Variants in DCC observed in about 807,000 individuals in gnomAD.
DCC encodes the protein DCC netrin 1 receptor.
In DCC, 58 loss-of-function variants were observed where a neutral mutation model predicts 172.5. That is an observed-to-expected ratio of 0.34 (90% CI 0.27 to 0.42). DCC has a LOEUF of 0.42. DCC is among the 10% of genes least tolerant of loss of function. DCC has a pLI of 1.00. For synonymous variants in DCC, 709 were observed against 644.5 expected, an observed-to-expected ratio of 1.10 and a Z score of -1.52; for missense variants, 1,740 against 1,791.0, an observed-to-expected ratio of 0.97 and a Z score of 0.51.
intron 1 of DCC, among the ~76,000 whole-genome samples, chr18:52,541,835 C>T (rs1026340605): frequency 1.1e-4 from 15 of 136,134 alleles, no homozygotes; most frequent in African/African-American, 3.7e-4. Flanking sequence ...GGCATCTAGA[C>T]ATGAGAAGAG....
intron 8 of DCC, among the ~76,000 whole-genome samples, chr18:53,161,586 A>G (rs1275932494): frequency 3.3e-5 from 5 of 152,142 alleles, no homozygotes; most frequent in Non-Finnish European, 5.9e-5. Context: ...ACGTCTTCCT[A>G]CTTGATTTCT....
intron 2 of DCC, among the ~76,000 whole-genome samples, chr18:52,796,484 A>AT (rs745483702): frequency 1.3e-5 from 2 of 152,060 alleles, no homozygotes; most frequent in Non-Finnish European, 2.9e-5. Context: ...TATTTTAAAC[A>AT]TTTTTTGTAG....
chr18:52,912,007 A>G (rs1018858918), intron 3 of DCC, among the ~76,000 whole-genome samples: 1 of 151,950 alleles, frequency 6.6e-6, no homozygotes, highest in African/African-American at 2.4e-5. Flanking sequence ...ATGGACTCTC[A>G]CAGTCTATTT....
chr18:52,510,981 C>T (rs2031417911), intron 1 of DCC, among the ~76,000 whole-genome samples: 1 of 152,044 alleles, frequency 6.6e-6, no homozygotes, highest in African/African-American at 2.4e-5. Context: ...TCACATAGCT[C>T]TAGGGTAAAC....
intron 26 of DCC, among the ~76,000 whole-genome samples, chr18:53,492,770 GGATTCTCTTGGCTAT>G (rs1478236251): frequency 6.6e-6 from 1 of 152,018 alleles, no homozygotes; most frequent in African/African-American, 2.4e-5. Context: ...TTTTTGCTTA[GGATTCTCTTGGCTAT>G]GATTCTCTTG....
At chr18:53,417,944 T>C (rs1341081185) in intron 21 of DCC, among the ~76,000 whole-genome samples, 1 of 152,132 alleles carries the variant, frequency 6.6e-6, no homozygotes, top group Non-Finnish European at 1.5e-5. Context: ...TGATCACACA[T>C]CCTCCATGGA....
intron 27 of DCC, among the ~76,000 whole-genome samples, chr18:53,524,101 T>C (rs1309601798): frequency 1.3e-5 from 2 of 152,036 alleles, no homozygotes; most frequent in African/African-American, 4.8e-5. Context: ...AACTATATAT[T>C]GTATACTTAA....
At chr18:52,505,170 C>T (rs1297504013) in intron 1 of DCC, among the ~76,000 whole-genome samples, 1 of 151,922 alleles carries the variant, frequency 6.6e-6, no homozygotes, top group Non-Finnish European at 1.5e-5. Context: ...AAATTATCAG[C>T]AAACAGTTGG....
At chr18:52,795,405 T>C (rs989340075) in intron 2 of DCC, among the ~76,000 whole-genome samples, 7 of 152,016 alleles carry the variant, frequency 4.6e-5, no homozygotes, top group African/African-American at 1.7e-4. Flanking sequence ...TTTGTTTGCA[T>C]AGAGTTATTA....
Position 53,207,791 on chromosome 18 carries a change from A to G in DCC, c.1835A>G (p.Asp612Gly). The G allele has an allele frequency of 6.2e-7, 1 of 1,612,780 alleles. No individual in the cohort carries two copies. Among genetic ancestry groups the G allele is most frequent in the Non-Finnish European group, 8.5e-7 (1 of 1,178,810 alleles). Residue 612 changes from aspartate to glycine, a missense_variant, in exon 11 of 29, where the codon GAT (aspartate) becomes GGT (glycine). Asp to Gly is a moderately conservative substitution (Grantham distance 94). This residue lies in a region of DCC where 1,732 missense variants were observed against 1,767.4 expected (regional missense o/e 0.98). Coordinates refer to ENST00000442544, the MANE Select transcript of DCC (RefSeq NM_005215.4). ...TATGGTCCGGGCGTCTCTACTGATGATATAACAGTGGTTACACTTTCTGAC... is the reference window on the plus strand; with the variant it reads ...TATGGTCCGGGCGTCTCTACTGATGGTATAACAGTGGTTACACTTTCTGAC... ...NRYGPGVSTD[D>G]ITVVTLSDVP...
chr18:52,905,294 G>A (rs2039864547), intron 2 of DCC, among the ~76,000 whole-genome samples: 1 of 152,012 alleles, frequency 6.6e-6, no homozygotes, highest in Admixed American at 6.6e-5. Context: ...TATTTCATAT[G>A]AACATTGAAG....
At chr18:52,992,194 G>A (rs1368320318) in intron 5 of DCC, among the ~76,000 whole-genome samples, 1 of 152,164 alleles carries the variant, frequency 6.6e-6, no homozygotes, top group Non-Finnish European at 1.5e-5. Flanking sequence ...GAAGAAGAAA[G>A]CGGTTTTGCA....
chr18:52,490,544 C>G (rs987347987), intron 1 of DCC, among the ~76,000 whole-genome samples: 9 of 152,062 alleles, frequency 5.9e-5, no homozygotes, highest in Non-Finnish European at 1.3e-4. Flanking sequence ...AGAGCTGGGA[C>G]TAGAAACCAG....
chr18:52,767,351 C>G (rs1599089331), intron 2 of DCC, among the ~76,000 whole-genome samples: 2 of 152,034 alleles, frequency 1.3e-5, no homozygotes, highest in East Asian at 3.9e-4. Context: ...TTCTATGGGT[C>G]AGCAAACCTT....
chr18:53,351,443 G>GTGTATA lies in DCC; in HGVS notation c.2359+11537_2359+11538insGTATAT, dbSNP rs1555656900. The stretch of plus-strand genomic sequence containing the variant: ...CACACTGTGTATATATATATACAGT[G>GTGTATA]TATATATATATATACACAGTGTGTA... On this transcript the variant is annotated intron_variant, in intron 15 of 28. Coordinates refer to ENST00000442544, the MANE Select transcript of DCC (RefSeq NM_005215.4). Among the ~76,000 whole-genome samples the GTGTATA allele has an allele frequency of 1.6e-4, 5 of 31,906 alleles. 1 individual carries two copies. Among genetic ancestry groups the GTGTATA allele is most frequent in the African/African-American group, 6.5e-4 (5 of 7,698 alleles). 20.9% of individuals were successfully genotyped at this position (31,906 alleles called of 152,430 possible). A position where few individuals can be genotyped will look rare whatever the true frequency, so the allele number is the denominator to read the frequency against.
intron 2 of DCC, among the ~76,000 whole-genome samples, chr18:52,890,187 C>A (rs1453755508): frequency 6.6e-6 from 1 of 152,094 alleles, no homozygotes; most frequent in African/African-American, 2.4e-5. Flanking sequence ...GTGCATTCAA[C>A]AAATATTTAC....
chr18:53,487,107 T>G (rs1188377688), intron 26 of DCC, 149 bp downstream of exon 26: 2 of 1,098,062 alleles, frequency 1.8e-6, no homozygotes, highest in Non-Finnish European at 2.7e-6. Flanking sequence ...CACAGTGCTT[T>G]GGATCCTAGC....
chr18:53,049,055 A>G (rs1182508420), intron 5 of DCC, among the ~76,000 whole-genome samples: 3 of 151,738 alleles, frequency 2.0e-5, no homozygotes, highest in Non-Finnish European at 4.4e-5. Flanking sequence ...TTGTAAATTT[A>G]AGTTCATTAT....
At chr18:52,829,116 A>T (rs1331880967) in intron 2 of DCC, among the ~76,000 whole-genome samples, 1 of 152,166 alleles carries the variant, frequency 6.6e-6, no homozygotes, top group Non-Finnish European at 1.5e-5. Context: ...TCATTTCCCT[A>T]TTTTATCTGA....
Sources: gnomAD v4.1 joint callset for allele counts (sites outside exome capture counted in the v4.1 genomes callset) on GRCh38, gnomAD v4.1.1 for gene constraint, gnomAD v4.1.1 regional missense constraint, MANE v1.5 for transcripts, NCBI Gene and HGNC (gene_info 2026-07-23, HGNC 2026-07-21) for gene names.